Variants in DOCK3 observed in about 807,000 individuals in gnomAD.
DOCK3 encodes dedicator of cytokinesis protein 3.
In DOCK3, 60 loss-of-function variants were observed where a neutral mutation model predicts 265.6. The observed-to-expected ratio is 0.23, with a 90% confidence interval of 0.18 to 0.28. The LOEUF is 0.28. Ranked by LOEUF, DOCK3 falls within the 10% of genes least tolerant of loss-of-function variation. The pLI is 1.00. For missense variants in DOCK3, 1,981 were observed against 2,594.3 expected (o/e 0.76, Z 5.14); for synonymous variants, 881 against 938.0 (o/e 0.94, Z 1.11).
chr3:51,295,361 G>A (rs2082023850), intron 27 of DOCK3, among the ~76,000 whole-genome samples: 1 of 152,192 alleles, frequency 6.6e-6, no homozygotes, highest in African/African-American at 2.4e-5. Context: ...CAGCTGTCAT[G>A]GGAACTAATA....
chr3:51,180,957 A>G (rs2087257007), intron 12 of DOCK3, among the ~76,000 whole-genome samples: 2 of 152,194 alleles, frequency 1.3e-5, no homozygotes, highest in South Asian at 4.1e-4. Flanking sequence ...TACTTCTCCC[A>G]GTAAGGTGAG....
At chr3:51,165,347 A>G (rs954428148) in intron 12 of DOCK3, among the ~76,000 whole-genome samples, 5 of 152,228 alleles carry the variant, frequency 3.3e-5, no homozygotes, top group African/African-American at 1.2e-4. Flanking sequence ...GCACATTTAA[A>G]TTGTACAACA....
At chr3:51,031,063 A>G (rs571692410) in intron 5 of DOCK3, among the ~76,000 whole-genome samples, 9 of 152,366 alleles carry the variant, frequency 5.9e-5, no homozygotes, top group African/African-American at 2.2e-4. Flanking sequence ...ACTCACAGGA[A>G]CTTTGGGCGG....
chr3:51,183,285 A>G (rs1363665122), intron 12 of DOCK3, among the ~76,000 whole-genome samples: 1 of 152,264 alleles, frequency 6.6e-6, no homozygotes, highest in East Asian at 1.9e-4. Context: ...TGTGCCTAAC[A>G]TTGTAAAAAT....
chr3:51,146,594 C>T lies in DOCK3; in HGVS notation c.792C>T (p.Asn264=), dbSNP rs1400412162. 2 of 1,598,986 alleles carry T rather than the reference C, an allele frequency of 1.3e-6. No individual in the cohort carries two copies. Among genetic ancestry groups the T allele is most frequent in the East Asian group, 4.5e-5 (2 of 44,530 alleles). The change falls in exon 10 of 53, where the codon AAC becomes AAT. Residue 264 remains asparagine (N), a synonymous_variant. Coordinates refer to ENST00000266037, the MANE Select transcript of DOCK3 (RefSeq NM_004947.5). ...TGAACAAGAATGGTGGGCCGAGGAA[C>T]CCAGAGAAGATAGAACGAATGTGTG... is the stretch of plus-strand genomic sequence containing the variant. ...VRLNKNGGPR[N]PEKIERMCAL...
chr3:50,722,753 T>C (rs1200651575), intron 1 of DOCK3, among the ~76,000 whole-genome samples: 2 of 136,146 alleles, frequency 1.5e-5, no homozygotes, highest in African/African-American at 5.5e-5. Context: ...AGATGGGGAA[T>C]TTCTTTCTTT....
chr3:51,231,428 C>A (rs936346925), intron 19 of DOCK3, among the ~76,000 whole-genome samples: 11 of 152,062 alleles, frequency 7.2e-5, no homozygotes, highest in Non-Finnish European at 1.3e-4. Context: ...CACACCCAGG[C>A]TTTTTGACAT....
At chr3:51,268,465 A>G (rs1176902924) in intron 23 of DOCK3, among the ~76,000 whole-genome samples, 1 of 152,252 alleles carries the variant, frequency 6.6e-6, no homozygotes, top group Non-Finnish European at 1.5e-5. Context: ...TTTTTATGTA[A>G]TAGTGTATAG....
At chr3:51,057,840 T>G (rs902805054) in intron 5 of DOCK3, among the ~76,000 whole-genome samples, 1 of 152,206 alleles carries the variant, frequency 6.6e-6, no homozygotes, top group Non-Finnish European at 1.5e-5. Flanking sequence ...TCCTTCTTTG[T>G]GCATCTTTAC....
chr3:51,012,520 A>G (rs1189069500), intron 5 of DOCK3, among the ~76,000 whole-genome samples: 2 of 152,080 alleles, frequency 1.3e-5, no homozygotes, highest in Non-Finnish European at 2.9e-5. Flanking sequence ...GGTGGGAGTG[A>G]CCCAATTTTC....
At chr3:51,222,460 C>T (rs1337890825) in intron 14 of DOCK3, among the ~76,000 whole-genome samples, 6 of 152,186 alleles carry the variant, frequency 3.9e-5, no homozygotes, top group African/African-American at 1.4e-4. Context: ...CAAGAGAATT[C>T]GTGGAGAGCT....
intron 2 of DOCK3, among the ~76,000 whole-genome samples, chr3:50,793,972 C>T (rs1389695995): frequency 6.6e-6 from 1 of 151,978 alleles, no homozygotes; most frequent in Non-Finnish European, 1.5e-5. Flanking sequence ...TTGATTTTTG[C>T]CTTGATTTCA....
chr3:51,024,574 C>T (rs1356150331), intron 5 of DOCK3, among the ~76,000 whole-genome samples: 2 of 152,178 alleles, frequency 1.3e-5, no homozygotes, highest in African/African-American at 2.4e-5. Flanking sequence ...AAGCTTTCCA[C>T]CTCACAGCTT....
At chr3:51,042,756 ACAAT>A (rs1474983957) in intron 5 of DOCK3, among the ~76,000 whole-genome samples, 1 of 152,232 alleles carries the variant, frequency 6.6e-6, no homozygotes, top group Admixed American at 6.5e-5. Context: ...CCCAGGATAC[ACAAT>A]CAATGTGCAA....
chr3:50,939,237 C>T (rs1218289059), intron 5 of DOCK3, among the ~76,000 whole-genome samples: 1 of 151,998 alleles, frequency 6.6e-6, no homozygotes, highest in Non-Finnish European at 1.5e-5. Context: ...AATAGATAAT[C>T]TGAAAATCCT....
chr3:51,361,838 A>C lies in DOCK3; in HGVS notation c.5007-21A>C, dbSNP rs1351621651. On this transcript the variant is annotated intron_variant, in intron 47 of 52. Coordinates refer to ENST00000266037, the MANE Select transcript of DOCK3 (RefSeq NM_004947.5). This position sits in a 1 kb window ranked among gnomAD's most constrained non-coding sequence, Gnocchi z 4.2. The stretch of plus-strand genomic sequence containing the variant: ...CCTGCCATGGGCCTGACTCCTCCCT[A>C]TTTCCCACTCTTGCTCACAGCCCCA... 4 of 1,609,368 alleles carry C rather than the reference A, an allele frequency of 2.5e-6. No homozygotes were observed. The highest frequency in any genetic ancestry group is 3.4e-6 in the Non-Finnish European group (4 of 1,177,540).
At chr3:50,867,721 T>G (rs1288586887) in intron 3 of DOCK3, among the ~76,000 whole-genome samples, 2 of 152,118 alleles carry the variant, frequency 1.3e-5, no homozygotes, top group Non-Finnish European at 2.9e-5. Flanking sequence ...TTGATAATGA[T>G]GTATCACATT....
chr3:51,350,284 A>G lies in DOCK3; in HGVS notation c.4003-4A>G. 2 of 1,596,706 alleles carry G rather than the reference A, an allele frequency of 1.3e-6. No homozygotes were observed. The highest frequency in any genetic ancestry group is 1.7e-6 in the Non-Finnish European group (2 of 1,175,570). ...GCCAACCTGAAGACCTTTCTCATTC[A>G]CAGAAAATGGAGGCCAGCTACTATG... is the stretch of plus-strand genomic sequence containing the variant. On this transcript the variant is annotated splice_polypyrimidine_tract_variant and splice_region_variant and intron_variant, in intron 39 of 52. Transcript: ENST00000266037.
At chr3:50,707,765 C>T (rs2036508346) in intron 1 of DOCK3, among the ~76,000 whole-genome samples, 1 of 151,856 alleles carries the variant, frequency 6.6e-6, no homozygotes, top group African/African-American at 2.4e-5. Context: ...CCATATGCCC[C>T]TGGGTGGTGT....
Sources: allele counts gnomAD v4.1 joint callset (sites outside exome capture counted in the v4.1 genomes callset), GRCh38; gene constraint gnomAD v4.1.1; non-coding constraint Gnocchi (gnomAD v3.1); transcripts MANE v1.5; gene names NCBI Gene and HGNC (gene_info 2026-07-23, HGNC 2026-07-21).